AUTS2: variants seen among roughly 807,000 people sequenced by gnomAD.
The protein encoded by AUTS2 is activator of transcription and developmental regulator AUTS2.
In AUTS2, 17 loss-of-function variants were observed where a neutral mutation model predicts 112.4. That is an observed-to-expected ratio of 0.15 (90% CI 0.10 to 0.23). AUTS2 has a LOEUF of 0.23. Ranked by LOEUF, AUTS2 falls within the 10% of genes least tolerant of loss-of-function variation. The pLI is 1.00. For synonymous variants in AUTS2, 751 were observed against 702.7 expected (o/e 1.07, Z -1.09); for missense variants, 1,510 against 1,701.6 (o/e 0.89, Z 1.98).
Position 70,489,880 on chromosome 7 carries a change from T to C in AUTS2, c.690+54099T>C, listed in dbSNP as rs867646706. ...GAGATACCCAGCAAAACCCCAAATATTTAGAAATTAAACAACATATTTCTA... is the reference window on the plus strand; with the variant it reads ...GAGATACCCAGCAAAACCCCAAATACTTAGAAATTAAACAACATATTTCTA... On this transcript the variant is annotated intron_variant, in intron 5 of 18. Transcript: ENST00000342771. Among the ~76,000 whole-genome samples the C allele has an allele frequency of 2.0e-5, 3 of 152,234 alleles. 1 individual carries two copies. Among genetic ancestry groups the C allele is most frequent in the Middle Eastern group, 6.8e-3 (2 of 294 alleles).
intron 4 of AUTS2, among the ~76,000 whole-genome samples, chr7:70,383,406 A>T (rs1372901515): frequency 6.6e-6 from 1 of 152,220 alleles, no homozygotes; most frequent in Admixed American, 6.5e-5. Flanking sequence ...CTTTAAAAAA[A>T]ACAATTATTA....
intron 4 of AUTS2, among the ~76,000 whole-genome samples, chr7:70,351,122 C>T (rs1309378605): frequency 6.6e-6 from 1 of 151,202 alleles, no homozygotes; most frequent in Non-Finnish European, 1.5e-5. Flanking sequence ...ACAATCTCGG[C>T]TCACTGCAAC....
chr7:70,453,600 A>G (rs1345210458), intron 5 of AUTS2, among the ~76,000 whole-genome samples: 2 of 152,246 alleles, frequency 1.3e-5, no homozygotes, highest in Non-Finnish European at 2.9e-5. Context: ...AGGCATCAGC[A>G]GGGCCACATT....
At chr7:70,604,056 G>A (rs749098965) in intron 5 of AUTS2, among the ~76,000 whole-genome samples, 19 of 152,146 alleles carry the variant, frequency 1.2e-4, no homozygotes, top group East Asian at 3.8e-4. Flanking sequence ...ACCGTGACCC[G>A]GTGTAAGGTG....
chr7:70,204,061 A>G (rs974702315), intron 4 of AUTS2, among the ~76,000 whole-genome samples: 1 of 151,904 alleles, frequency 6.6e-6, no homozygotes, highest in Non-Finnish European at 1.5e-5. Flanking sequence ...TTTTAAAATA[A>G]CATCAGTTAT....
At chr7:70,047,348 A>G (rs900578969) in intron 2 of AUTS2, among the ~76,000 whole-genome samples, 4 of 152,208 alleles carry the variant, frequency 2.6e-5, no homozygotes, top group African/African-American at 9.7e-5. Flanking sequence ...CACGGAGCTC[A>G]CAGGGGATAC....
At chr7:69,878,979 G>A (rs1465038770) in intron 1 of AUTS2, among the ~76,000 whole-genome samples, 1 of 152,190 alleles carries the variant, frequency 6.6e-6, no homozygotes, top group Admixed American at 6.5e-5. Context: ...GGGTGGGAGA[G>A]CTGTTCACTC....
In AUTS2 at chr7:70,110,054, A is replaced by G. The variant is rs558682829; in HGVS notation, c.523-8078A>G. 7.2e-5 allele frequency among the ~76,000 whole-genome samples: 11 copies of G among 152,356 alleles called. 1 individual carries two copies. The highest frequency in any genetic ancestry group is 7.2e-4 in the Admixed American group (11 of 15,310). ...GGCCTAATCATAGAGAGTAGAGTTA[A>G]CAATTCTCTTGATAAGCAGTAGAAC... On this transcript the variant is annotated intron_variant, in intron 2 of 18. Transcript: ENST00000342771.
At chr7:70,021,633 G>T (rs1800280445) in intron 2 of AUTS2, among the ~76,000 whole-genome samples, 1 of 152,144 alleles carries the variant, frequency 6.6e-6, no homozygotes, top group Non-Finnish European at 1.5e-5. Flanking sequence ...GATAAGAGAG[G>T]TTATTTCGTA....
At chr7:70,784,836 T>A in intron 15 of AUTS2, 106 bp from the exon 16 acceptor site, 1 of 836,258 alleles carries the variant, frequency 1.2e-6, no homozygotes, top group Non-Finnish European at 1.9e-6. Flanking sequence ...AGCCATGACC[T>A]CCCTTGAACA....
At chr7:70,000,386 T>C (rs543453990) in intron 2 of AUTS2, among the ~76,000 whole-genome samples, 1 of 152,222 alleles carries the variant, frequency 6.6e-6, no homozygotes, top group Non-Finnish European at 1.5e-5. Context: ...ATTTAAATAT[T>C]CTTGTAAAGA....
chr7:70,396,467 C>T (rs1482152941), intron 4 of AUTS2, among the ~76,000 whole-genome samples: 1 of 151,922 alleles, frequency 6.6e-6, no homozygotes, highest in Non-Finnish European at 1.5e-5. Context: ...ACCTCTACCT[C>T]CCGGGTTCAA....
Position 69,899,464 on chromosome 7 carries a change from G to T in AUTS2, c.488G>T (p.Gly163Val). Reference protein sequence around the residue: ...ENDRNLCQHLGKRKKMPKALR... With the variant: ...ENDRNLCQHLVKRKKMPKALR... ...GACCGCAATCTCTGCCAGCACCTTG[G>T]GAAGAGAAAGAAAATGCCGAAGGCA... is the stretch of plus-strand genomic sequence containing the variant. The change falls in exon 2 of 19, where the codon GGG (glycine) becomes GTG (valine). Residue 163 changes from glycine to valine, a missense_variant. This residue lies in a region of AUTS2 where 535 missense variants were observed against 594.3 expected (regional missense o/e 0.90). Transcript: ENST00000342771. 6.2e-7 allele frequency: 1 copy of T among 1,613,990 alleles called. No individual in the cohort carries two copies. The highest frequency in any genetic ancestry group is 1.3e-5 in the African/African-American group (1 of 75,042).
intron 5 of AUTS2, among the ~76,000 whole-genome samples, chr7:70,459,843 C>A (rs951779850): frequency 2.0e-5 from 3 of 152,176 alleles, no homozygotes; most frequent in Non-Finnish European, 4.4e-5. Context: ...CCAAGGACAA[C>A]AGAGCCAGAC....
intron 4 of AUTS2, among the ~76,000 whole-genome samples, chr7:70,348,752 A>T (rs1791617375): frequency 1.3e-5 from 2 of 152,180 alleles, no homozygotes; most frequent in Non-Finnish European, 2.9e-5. Flanking sequence ...CGTTGCTTGC[A>T]GTGAGCCGAG....
chr7:70,345,689 T>TC (rs377591008), intron 4 of AUTS2, among the ~76,000 whole-genome samples: 2 of 152,132 alleles, frequency 1.3e-5, no homozygotes, highest in Non-Finnish European at 2.9e-5. Flanking sequence ...GGTCTCTAGA[T>TC]CCCCCCTTAG....
In AUTS2 at chr7:69,881,918, G is replaced by A. The variant is rs180904049; in HGVS notation, c.310-17368G>A. ...TGTAATCCCAACACTTTGGGAGGCCGAGGTGGGTGGATCACATGAGGTCAG... is the reference window on the plus strand; with the variant it reads ...TGTAATCCCAACACTTTGGGAGGCCAAGGTGGGTGGATCACATGAGGTCAG... On this transcript the variant is annotated intron_variant, in intron 1 of 18. Transcript: ENST00000342771. Among the ~76,000 whole-genome samples, 17 of 152,186 alleles carry A rather than the reference G, an allele frequency of 1.1e-4. No homozygotes were observed. The East Asian group carries it at 2.9e-3, about 26-fold the overall frequency.
chr7:70,174,044 G>A (rs1808853310), intron 4 of AUTS2, among the ~76,000 whole-genome samples: 1 of 152,212 alleles, frequency 6.6e-6, no homozygotes, highest in Non-Finnish European at 1.5e-5. Flanking sequence ...AGGAAGGCAT[G>A]TTGAAAGCCA....
intron 1 of AUTS2, among the ~76,000 whole-genome samples, chr7:69,830,170 G>A (rs1791437827): frequency 6.6e-6 from 1 of 152,164 alleles, no homozygotes; most frequent in African/African-American, 2.4e-5. Flanking sequence ...TCACTCATAA[G>A]TGGGAGCTGG....
Sources: allele counts gnomAD v4.1 joint callset (sites outside exome capture counted in the v4.1 genomes callset), GRCh38; gene constraint gnomAD v4.1.1; regional missense constraint gnomAD v4.1.1; transcripts MANE v1.5; gene names NCBI Gene and HGNC (gene_info 2026-07-23, HGNC 2026-07-21).